ZNF91: variants seen among roughly 807,000 people sequenced by gnomAD.
The protein encoded by ZNF91 is zinc finger protein 91 (HPF7, HTF10).
Under a neutral mutation model 12.6 loss-of-function variants are expected in ZNF91, and 7 were observed. The observed-to-expected ratio is 0.55, with a 90% confidence interval of 0.31 to 1.04. ZNF91 has a LOEUF of 1.04. Ranked by LOEUF, ZNF91 falls within the 50% of genes least tolerant of loss-of-function variation. The pLI, the probability that ZNF91 is intolerant of heterozygous loss-of-function variation, is 0.05. For synonymous variants in ZNF91, 453 were observed against 462.6 expected, an observed-to-expected ratio of 0.98 and a Z score of 0.27; for missense variants, 1,217 against 1,385.4, an observed-to-expected ratio of 0.88 and a Z score of 1.93.
chr19:23,372,533 G>A (rs1056655881), intron 3 of ZNF91, among the ~76,000 whole-genome samples: 2 of 151,822 alleles, frequency 1.3e-5, no homozygotes, highest in Non-Finnish European at 2.9e-5. Context: ...CCTCATTCAG[G>A]CAGCAAACTA....
At chr19:23,362,915 C>G (rs1343978673) in intron 3 of ZNF91, among the ~76,000 whole-genome samples, 190 bp from the exon 4 acceptor site, 1 of 152,090 alleles carries the variant, frequency 6.6e-6, no homozygotes, top group Non-Finnish European at 1.5e-5. Flanking sequence ...GCTCTGTCAC[C>G]CAGGCTGGAG....
At chr19:23,334,554 T>C (rs1967972870), downstream of ZNF91, among the ~76,000 whole-genome samples, 1 of 152,190 alleles carries the variant, frequency 6.6e-6, no homozygotes, top group Non-Finnish European at 1.5e-5. Flanking sequence ...GGTTAAATAA[T>C]AATAGAAGGT....
chr19:23,349,922 T>C (rs554076983), intron 3 of ZNF91, among the ~76,000 whole-genome samples: 55 of 152,298 alleles, frequency 3.6e-4, no homozygotes, highest in African/African-American at 1.1e-3. Context: ...CAACGGATCA[T>C]CGAATATTAA....
At chr19:23,312,400 T>A (rs1302662090), upstream of ZNF91, among the ~76,000 whole-genome samples, 1 of 152,204 alleles carries the variant, frequency 6.6e-6, no homozygotes, top group African/African-American at 2.4e-5. Flanking sequence ...TAGGTCTCAT[T>A]TTTGTATGAA....
chr19:23,358,030 A>T lies in ZNF91; in HGVS notation c.*1373T>A, dbSNP rs557716286. On this transcript the variant is annotated 3_prime_UTR_variant, in exon 4 of 4. Coordinates refer to ENST00000300619, the MANE Select transcript of ZNF91 (RefSeq NM_003430.4). Reference sequence around the variant, plus strand: ...ATTCTTTAACTTAATGGCAATTAAAACTCACTGGCAAAAAAAATCACTAGA... The same window carrying T: ...ATTCTTTAACTTAATGGCAATTAAATCTCACTGGCAAAAAAAATCACTAGA... 2.6e-5 allele frequency: 4 copies of T among 152,238 alleles called. No homozygotes were observed. Among genetic ancestry groups the T allele is most frequent in the African/African-American group, 9.6e-5 (4 of 41,532 alleles). 9.4% of individuals were successfully genotyped at this position (152,238 alleles called of 1,614,324 possible).
intron 1 of ZNF91, among the ~76,000 whole-genome samples, chr19:23,382,601 T>C (rs1969756548): frequency 6.6e-6 from 1 of 152,194 alleles, no homozygotes; most frequent in Admixed American, 6.5e-5. Flanking sequence ...ACGTGGCACA[T>C]ACTGACCACA....
chr19:23,388,999 G>T (rs1377882967), intron 1 of ZNF91, among the ~76,000 whole-genome samples: 1 of 152,038 alleles, frequency 6.6e-6, no homozygotes, highest in Non-Finnish European at 1.5e-5. Context: ...GCCTAGTTGA[G>T]GGTGGAGGGT....
chr19:23,378,969 A>T (rs988822311), intron 1 of ZNF91, among the ~76,000 whole-genome samples: 10 of 152,158 alleles, frequency 6.6e-5, no homozygotes, highest in African/African-American at 2.2e-4. Context: ...TACCAACCAA[A>T]GACATCTCTT....
At chr19:23,353,672 T>C (rs1366819159), downstream of ZNF91, among the ~76,000 whole-genome samples, 2 of 152,022 alleles carry the variant, frequency 1.3e-5, no homozygotes, top group East Asian at 1.9e-4. Flanking sequence ...AGTGCTTATT[T>C]GAAAAGATAA....
In ZNF91 at chr19:23,330,730, TA is replaced by T. The variant is rs1568370356; in HGVS notation, n.117-21634del. Among the ~76,000 whole-genome samples, 5 of 152,322 alleles carry T rather than the reference TA, an allele frequency of 3.3e-5. No homozygotes were observed. In the South Asian group the frequency reaches 8.3e-4, roughly 25 times the overall value. ...AAAAAGCCCTCCCTACTCCTCACTT[TA>T]AAAAATTGAAATAGCTTGGTGAAGG... On this transcript the variant is annotated intron_variant and non_coding_transcript_variant, in intron 1 of 1. Coordinates refer to the ZNF91 transcript ENST00000596528.
intron 1 of ZNF91, among the ~76,000 whole-genome samples, chr19:23,392,563 G>A (rs752990699): frequency 3.3e-5 from 5 of 152,080 alleles, no homozygotes; most frequent in African/African-American, 1.2e-4. Flanking sequence ...GGAAGCTAAG[G>A]TGGAAAAATC....
downstream of ZNF91, among the ~76,000 whole-genome samples, chr19:23,335,575 T>C (rs958601575): frequency 6.6e-6 from 1 of 152,198 alleles, no homozygotes; most frequent in Non-Finnish European, 1.5e-5. Context: ...GATCTCGGAC[T>C]GCTGTGCTAG....
chr19:23,395,451 A>G lies in ZNF91; in HGVS notation c.-97T>C, dbSNP rs1477022121. On this transcript the variant is annotated 5_prime_UTR_variant, in exon 1 of 4. Transcript: ENST00000300619. ...AGAGCAGTGAAGTCGAGACCTGGAAACTCCGGCGGCAGCGAGAGACAAAGG... is the reference window on the plus strand; with the variant it reads ...AGAGCAGTGAAGTCGAGACCTGGAAGCTCCGGCGGCAGCGAGAGACAAAGG... 5.5e-6 allele frequency: 8 copies of G among 1,453,274 alleles called. No individual in the cohort carries two copies. The highest frequency in any genetic ancestry group is 7.5e-6 in the Non-Finnish European group (8 of 1,064,068). 90.0% of individuals were successfully genotyped at this position (1,453,274 alleles called of 1,614,324 possible).
At chr19:23,350,525 C>A (rs148868571) in intron 3 of ZNF91, among the ~76,000 whole-genome samples, 1 of 152,140 alleles carries the variant, frequency 6.6e-6, no homozygotes, top group African/African-American at 2.4e-5. Context: ...TTTTATTTTG[C>A]GAAGGTGCCC....
chr19:23,324,499 CCTAA>C (rs60978789), intron 1 of ZNF91: 28,510 of 151,048 alleles, frequency 0.19, 2,893 homozygotes, highest in Non-Finnish European at 0.21. Context: ...ACTAATCCGG[CCTAA>C]CTCAGGCGGC....
intron 1 of ZNF91, among the ~76,000 whole-genome samples, chr19:23,329,652 T>C (rs1019399285): frequency 1.3e-5 from 2 of 152,222 alleles, no homozygotes; most frequent in Non-Finnish European, 2.9e-5. Context: ...AGTATTTGTC[T>C]AGCCAGCATT....
chr19:23,359,772 C>T lies in ZNF91; in HGVS notation c.3207G>A (p.Lys1069=). Reference sequence around the variant, plus strand: ...AGGGTTTCTCTCTAGTATGAATTCTCTTATGTCCATTTAGGGTTGAGGATG... The same window carrying T: ...AGGGTTTCTCTCTAGTATGAATTCTTTTATGTCCATTTAGGGTTGAGGATG... ...FISSSTLNGH[K]RIHTREKPYK... Residue 1069 remains lysine (K), a synonymous_variant, in exon 4 of 4, where the codon AAG becomes AAA. Coordinates refer to ENST00000300619, the MANE Select transcript of ZNF91 (RefSeq NM_003430.4). The T allele has an allele frequency of 1.2e-6, 2 of 1,613,914 alleles. No homozygotes were observed. The highest frequency in any genetic ancestry group is 1.7e-4 in the Middle Eastern group (1 of 6,060).
chr19:23,317,734 A>G (rs1251876717), intron 1 of ZNF91, among the ~76,000 whole-genome samples: 1 of 152,154 alleles, frequency 6.6e-6, no homozygotes, highest in African/African-American at 2.4e-5. Context: ...TCTCCGTCCA[A>G]GATTCAGCAC....
chr19:23,305,786 G>C (rs555561424), intron 3 of ZNF91, among the ~76,000 whole-genome samples: 75 of 152,194 alleles, frequency 4.9e-4, no homozygotes, highest in Non-Finnish European at 8.4e-4. Flanking sequence ...AATAGCTCAT[G>C]CATACACTGA....
Sources: gnomAD v4.1 joint callset for allele counts (sites outside exome capture counted in the v4.1 genomes callset) on GRCh38, gnomAD v4.1.1 for gene constraint, MANE v1.5 for transcripts, NCBI Gene and HGNC (gene_info 2026-07-23, HGNC 2026-07-21) for gene names.